The following UBE2E2 variants were observed in gnomAD, a reference collection of about 807,000 sequenced individuals.
UBE2E2 encodes the protein ubiquitin conjugating enzyme E2 E2.
A neutral mutation model predicts 24.7 loss-of-function variants in UBE2E2; 6 were observed. The observed-to-expected ratio is 0.24, with a 90% confidence interval of 0.13 to 0.48. The LOEUF is 0.48. Among genes scored for constraint, UBE2E2 ranks in the 20% least tolerant of loss-of-function variants. The pLI, the probability that UBE2E2 is intolerant of heterozygous loss-of-function variation, is 0.99. For synonymous variants in UBE2E2, 104 were observed against 83.6 expected (o/e 1.24, Z -1.33); for missense variants, 169 against 245.0 (o/e 0.69, Z 2.07).
chr3:23,214,766 CA>C (rs914873008), intron 2 of UBE2E2, among the ~76,000 whole-genome samples: 31 of 151,900 alleles, frequency 2.0e-4, no homozygotes, highest in African/African-American at 7.0e-4. Flanking sequence ...TTTCTGATAA[CA>C]AAGTAAACAG....
intron 5 of UBE2E2, among the ~76,000 whole-genome samples, chr3:23,548,454 T>A (rs1695571080): frequency 6.6e-6 from 1 of 152,158 alleles, no homozygotes; most frequent in South Asian, 2.1e-4. Flanking sequence ...TTGATTTGAC[T>A]CCACCTTCAA....
At position 23,489,166 on chromosome 3, in the gene UBE2E2, G is replaced by A. The variant is rs562792062; in HGVS notation, c.228-10442G>A. On this transcript the variant is annotated intron_variant, in intron 3 of 5. Transcript: ENST00000396703. The stretch of plus-strand genomic sequence containing the variant: ...CATAGAAGACAGTTTTTCAACAGAC[G>A]GCATGGGTCGGGGAGATGGTTTTGG... 8.5e-5 allele frequency among the ~76,000 whole-genome samples: 13 copies of A among 152,248 alleles called. No homozygotes were observed. In the East Asian group the frequency reaches 2.1e-3, roughly 25 times the overall value.
chr3:23,290,587 G>C (rs190405678), intron 3 of UBE2E2, among the ~76,000 whole-genome samples: 2 of 151,788 alleles, frequency 1.3e-5, no homozygotes, highest in Non-Finnish European at 2.9e-5. Flanking sequence ...TGAGTAACTG[G>C]GATTATAGGA....
Position 23,280,625 on chromosome 3 carries a change from GTGCCTTCTTTTGGT to G in UBE2E2, c.227+63314_227+63327del, listed in dbSNP as rs1698472464. On this transcript the variant is annotated intron_variant, in intron 3 of 5. Coordinates refer to ENST00000396703, the MANE Select transcript of UBE2E2 (RefSeq NM_152653.4). The surrounding 1 kb of genome is among the most constrained non-coding windows in gnomAD (Gnocchi z 4.3). ...CAGTTGTCTTACTCACTCAGAAATG[GTGCCTTCTTTTGGT>G]GGCATTTGCCATAATTGTCCTAATA... 5.9e-5 allele frequency among the ~76,000 whole-genome samples: 9 copies of G among 152,276 alleles called. No individual in the cohort carries two copies. The South Asian group carries it at 1.9e-3, about 32-fold the overall frequency.
chr3:23,362,071 A>G (rs1212103440), intron 3 of UBE2E2, among the ~76,000 whole-genome samples: 2 of 152,214 alleles, frequency 1.3e-5, no homozygotes, highest in Non-Finnish European at 2.9e-5. Flanking sequence ...AGGGGCCAAA[A>G]TGGTGAACTA....
At chr3:23,323,609 A>C (rs1694805645) in intron 3 of UBE2E2, 1 of 419,434 alleles carries the variant, frequency 2.4e-6, no homozygotes, top group Non-Finnish European at 4.7e-6. Flanking sequence ...CACATATTTC[A>C]AAATCTGAAA....
At chr3:23,427,389 C>T (rs780117592) in intron 3 of UBE2E2, among the ~76,000 whole-genome samples, 1 of 151,646 alleles carries the variant, frequency 6.6e-6, no homozygotes, top group Non-Finnish European at 1.5e-5. Flanking sequence ...AAGATGATGC[C>T]ACTGCTCTCC....
intron 3 of UBE2E2, among the ~76,000 whole-genome samples, chr3:23,379,698 C>T (rs920861690): frequency 2.0e-5 from 3 of 151,990 alleles, no homozygotes; most frequent in Non-Finnish European, 4.4e-5. Flanking sequence ...TTCTAATTTT[C>T]TCTCGGACAT....
intron 3 of UBE2E2, among the ~76,000 whole-genome samples, chr3:23,386,692 T>G (rs952152488): frequency 6.6e-6 from 1 of 152,250 alleles, no homozygotes; most frequent in African/African-American, 2.4e-5. Flanking sequence ...CGTCACATTA[T>G]TGTTTGACAG....
chr3:23,490,756 A>G (rs559460600), intron 3 of UBE2E2, among the ~76,000 whole-genome samples: 78 of 152,280 alleles, frequency 5.1e-4, no homozygotes, highest in Admixed American at 1.3e-3. Context: ...TTTTTCATTT[A>G]AAATATTCTT....
chr3:23,380,358 C>T (rs1017923082), intron 3 of UBE2E2, among the ~76,000 whole-genome samples: 6 of 152,144 alleles, frequency 3.9e-5, no homozygotes, highest in African/African-American at 1.4e-4. Context: ...AGGCACATGC[C>T]GTGACTACAG....
intron 3 of UBE2E2, among the ~76,000 whole-genome samples, chr3:23,278,341 A>G (rs1275821146): frequency 6.6e-6 from 1 of 152,170 alleles, no homozygotes; most frequent in Admixed American, 6.5e-5. Flanking sequence ...AATATATTTA[A>G]TTCAGGAAAA....
intron 3 of UBE2E2, among the ~76,000 whole-genome samples, chr3:23,408,538 A>AAGTATATGACTCTGATG (rs1408243575): frequency 1.3e-5 from 2 of 152,134 alleles, no homozygotes; most frequent in Admixed American, 6.6e-5. Context: ...ACATCTGTTA[A>AAGTATATGACTCTGATG]AGTATATGAC....
intron 5 of UBE2E2, among the ~76,000 whole-genome samples, chr3:23,534,908 A>G (rs1198244674): frequency 1.3e-5 from 2 of 152,226 alleles, no homozygotes; most frequent in Admixed American, 6.5e-5. Flanking sequence ...TAATGATACA[A>G]ATTTAACTCA....
At chr3:23,386,726 A>G (rs1191544195) in intron 3 of UBE2E2, among the ~76,000 whole-genome samples, 1 of 152,196 alleles carries the variant, frequency 6.6e-6, no homozygotes, top group Non-Finnish European at 1.5e-5. Flanking sequence ...AAGTAAGCTA[A>G]TCAGTTCATT....
chr3:23,312,067 G>T (rs547408667), intron 3 of UBE2E2, among the ~76,000 whole-genome samples: 1 of 152,222 alleles, frequency 6.6e-6, no homozygotes, highest in Admixed American at 6.5e-5. Context: ...AGATCTGGTT[G>T]TTTAAAAGTA....
At chr3:23,260,224 A>C (rs1453745724) in intron 3 of UBE2E2, among the ~76,000 whole-genome samples, 1 of 152,206 alleles carries the variant, frequency 6.6e-6, no homozygotes, top group East Asian at 1.9e-4. Context: ...CAATTTAAAA[A>C]CAGTATTGTC....
intron 5 of UBE2E2, among the ~76,000 whole-genome samples, chr3:23,553,530 C>T (rs369937011): frequency 6.6e-6 from 1 of 152,140 alleles, no homozygotes; most frequent in South Asian, 2.1e-4. Flanking sequence ...ACATTAACCA[C>T]CCAAAATTGG....
At chr3:23,560,241 G>T (rs62256974) in intron 5 of UBE2E2, among the ~76,000 whole-genome samples, 31,043 of 104,768 alleles carry the variant, frequency 0.3, 3,605 homozygotes, top group Middle Eastern at 0.41. Flanking sequence ...AACAGGCCCC[G>T]GTGTGTGATG....
Sources: allele counts gnomAD v4.1 joint callset (sites outside exome capture counted in the v4.1 genomes callset), GRCh38; gene constraint gnomAD v4.1.1; non-coding constraint Gnocchi (gnomAD v3.1); transcripts MANE v1.5; gene names NCBI Gene and HGNC (gene_info 2026-07-23, HGNC 2026-07-21).